The following DHX30 variants were observed in gnomAD, a reference collection of about 807,000 sequenced individuals.
DHX30 encodes the protein DExH-box helicase 30, also known as ATP-dependent RNA helicase DHX30.
Under a neutral mutation model 116.9 loss-of-function variants are expected in DHX30, and 4 were observed. The observed-to-expected ratio is 0.03, with a 90% CI of 0.02 to 0.08. DHX30 has a LOEUF of 0.08. DHX30 is among the 10% of genes least tolerant of loss of function. The pLI, the probability that DHX30 is intolerant of heterozygous loss-of-function variation, is 1.00. For synonymous variants in DHX30, 697 were observed against 651.7 expected (o/e 1.07, Z -1.06); for missense variants, 871 against 1,595.1 (o/e 0.55, Z 7.73).
At chr3:47,843,303 C>G (rs1644769996) in intron 9 of DHX30, 48 bp downstream of exon 9, 4 of 1,605,258 alleles carry the variant, frequency 2.5e-6, no homozygotes, top group Middle Eastern at 1.8e-4. Flanking sequence ...TGTCTTGAAG[C>G]TCCCCTCTGC....
At chr3:47,841,809 G>A in intron 8 of DHX30, 72 bp downstream of exon 8, 1 of 1,607,602 alleles carries the variant, frequency 6.2e-7, no homozygotes, top group Non-Finnish European at 8.5e-7. Context: ...CTAAAGGCAG[G>A]TTTAGAGAGG....
rs879073651 is a variant in DHX30 at position 47,846,959 on chromosome 3, G to T, written c.1887G>T (p.Lys629Asn). The T allele has an allele frequency of 1.2e-6, 2 of 1,613,414 alleles. No homozygotes were observed. The highest frequency in any genetic ancestry group is 2.7e-5 in the African/African-American group (2 of 74,942). ...KEHYLEDILA[K>N]LGKHQYLHRH... ...ACTACCTAGAGGACATCCTGGCCAA[G>T]TTGGGCAAGCACCAGTACCTGCACC... The change falls in exon 11 of 22, where the codon AAG becomes AAT. Residue 629 changes from lysine (K) to asparagine (N), a missense_variant. Around this residue, in one of 13 missense-constraint regions of DHX30, gnomAD observed 61 missense variants for 106.7 expected, o/e 0.57. Transcript: ENST00000445061.
chr3:47,849,819 G>A (rs759086020), intron 21 of DHX30, 48 bp from the exon 22 acceptor site: 39 of 1,607,978 alleles, frequency 2.4e-5, no homozygotes, highest in African/African-American at 6.7e-5. Flanking sequence ...CTGCTCCTCC[G>A]GGGCCTGGCC....
chr3:47,806,311 T>G (rs1486936238), intron 2 of DHX30, among the ~76,000 whole-genome samples: 6 of 145,806 alleles, frequency 4.1e-5, no homozygotes, highest in African/African-American at 1.5e-4. Flanking sequence ...GCCTGGCTTA[T>G]TTTTGTATTT....
chr3:47,807,004 G>A (rs1185809563), intron 2 of DHX30, among the ~76,000 whole-genome samples: 4 of 151,832 alleles, frequency 2.6e-5, no homozygotes, highest in East Asian at 2.0e-4. Context: ...TCAGGAGTTC[G>A]AGTCCAGCCT....
chr3:47,819,404 C>A, intron 4 of DHX30: 1 of 776,840 alleles, frequency 1.3e-6, no homozygotes, highest in Non-Finnish European at 2.1e-6. Context: ...GCAGTTGCTG[C>A]CTCTGGGGCA....
chr3:47,826,638 G>A (rs1241739887), intron 4 of DHX30, among the ~76,000 whole-genome samples: 1 of 152,020 alleles, frequency 6.6e-6, no homozygotes, highest in East Asian at 1.9e-4. Context: ...GTAGAGACGA[G>A]GTTTCACAAG....
Position 47,847,669 on chromosome 3 carries a change from T to C in DHX30, c.2111-112T>C, listed in dbSNP as rs2107140649. 6.8e-7 allele frequency: 1 copy of C among 1,478,510 alleles called. No individual in the cohort carries two copies. The highest frequency in any genetic ancestry group is 1.3e-5 in the South Asian group (1 of 74,804). 91.6% of individuals were successfully genotyped at this position (1,478,510 alleles called of 1,614,324 possible). On this transcript the variant is annotated intron_variant, in intron 13 of 21. Transcript: ENST00000445061. The surrounding 1 kb of genome is among the most constrained non-coding windows in gnomAD (Gnocchi z 5.5). ...TGGCACTTTTCACTGGGCATAGTGT[T>C]TATCTGCGCCTGTTTCATCAAAATG...
At chr3:47,827,741 G>A (rs1009963085) in intron 5 of DHX30, among the ~76,000 whole-genome samples, 5 of 152,158 alleles carry the variant, frequency 3.3e-5, no homozygotes, top group Non-Finnish European at 5.9e-5. Flanking sequence ...TGCCCCCATC[G>A]ACTAAGGACT....
chr3:47,825,067 C>T (rs1337932026), intron 4 of DHX30: 2 of 666,000 alleles, frequency 3.0e-6, no homozygotes. Context: ...ACTCATGGCG[C>T]TGGCCGCCGG....
chr3:47,804,799 G>T (rs939480911), intron 1 of DHX30, among the ~76,000 whole-genome samples: 1 of 152,172 alleles, frequency 6.6e-6, no homozygotes, highest in Admixed American at 6.6e-5. Flanking sequence ...TCTTGGGCAG[G>T]TTGTGTAACC....
chr3:47,810,414 C>T (rs2035739959), intron 2 of DHX30, among the ~76,000 whole-genome samples: 2 of 152,170 alleles, frequency 1.3e-5, no homozygotes, highest in Admixed American at 1.3e-4. Context: ...CTCTGTTTAA[C>T]AGGATATGGG....
At chr3:47,819,227 C>T (rs2036191030) in intron 4 of DHX30, 1 of 1,367,560 alleles carries the variant, frequency 7.3e-7, no homozygotes, top group South Asian at 1.1e-5. Flanking sequence ...TGCCCTGTAA[C>T]TCGAAAAGGC....
At position 47,845,723 on chromosome 3, in the gene DHX30, C is replaced by A; in HGVS notation, c.963C>A (p.Asn321Lys). ...KLKSLGLVDR[N>K]NEPLTHAMYN... ...AGAGCCTGGGCCTGGTGGACAGGAA[C>A]AACGAACCGCTTACACACGCCATGT... The change falls in exon 10 of 22, where the codon AAC becomes AAA. Residue 321 changes from asparagine (N) to lysine (K), a missense_variant. Physicochemically the swap from Asn to Lys is moderately conservative, Grantham distance 94. Transcript: ENST00000445061. 6.2e-7 allele frequency: 1 copy of A among 1,604,566 alleles called. No individual in the cohort carries two copies. The highest frequency in any genetic ancestry group is 8.5e-7 in the Non-Finnish European group (1 of 1,172,362).
At chr3:47,804,411 C>T (rs572447764) in intron 1 of DHX30, among the ~76,000 whole-genome samples, 2 of 152,218 alleles carry the variant, frequency 1.3e-5, no homozygotes, top group African/African-American at 4.8e-5. Flanking sequence ...AAAAATTAGC[C>T]GGGCATGGTG....
At chr3:47,827,976 A>G (rs894897675) in intron 5 of DHX30, among the ~76,000 whole-genome samples, 42 of 152,232 alleles carry the variant, frequency 2.8e-4, no homozygotes, top group African/African-American at 9.9e-4. Flanking sequence ...CTCCCGCCTC[A>G]GCCTCCAAAG....
Position 47,848,975 on chromosome 3 carries a change from C to T in DHX30, c.2825C>T (p.Ala942Val). Residue 942 changes from alanine to valine, a missense_variant, in exon 18 of 22, where the codon GCT becomes GTT. Ala to Val is a moderately conservative substitution (Grantham distance 64). Around this residue, in one of 13 missense-constraint regions of DHX30, gnomAD observed 238 missense variants for 481.0 expected, o/e 0.49. Coordinates refer to ENST00000445061, the MANE Select transcript of DHX30 (RefSeq NM_138615.3). This position sits in a 1 kb window ranked among gnomAD's most constrained non-coding sequence, Gnocchi z 9.4. ...SGSDHLAFVRAVAGWEEVLRW... is the reference protein window; with the variant it reads ...SGSDHLAFVRVVAGWEEVLRW... The stretch of plus-strand genomic sequence containing the variant: ...AGTGACCACCTGGCCTTTGTGCGGG[C>T]TGTCGCCGGCTGGGAGGAGGTGCTG... The T allele has an allele frequency of 1.2e-6, 2 of 1,613,404 alleles. No individual in the cohort carries two copies. Among genetic ancestry groups the T allele is most frequent in the South Asian group, 2.2e-5 (2 of 90,944 alleles).
In DHX30 at chr3:47,841,156, C is replaced by G; in HGVS notation, c.646C>G (p.His216Asp). The change falls in exon 7 of 22, where the codon CAC becomes GAC. Residue 216 changes from histidine (H) to aspartate (D), a missense_variant. By Grantham distance (81) the His-to-Asp change is moderately conservative. This residue lies in a region of DHX30 where 109 missense variants were observed against 118.8 expected (regional missense o/e 0.92). Transcript: ENST00000445061. ...DFLSMTQQDS[H>D]APLRDSRGSS... The stretch of plus-strand genomic sequence containing the variant: ...CTTGTCCATGACCCAGCAGGATTCC[C>G]ACGCTCCACTCAGGGACTCAAGGTA... The G allele has an allele frequency of 6.2e-7, 1 of 1,613,976 alleles. No individual in the cohort carries two copies.
intron 6 of DHX30, among the ~76,000 whole-genome samples, chr3:47,837,501 G>C (rs2037175338): frequency 6.6e-6 from 1 of 152,168 alleles, no homozygotes; most frequent in Non-Finnish European, 1.5e-5. Flanking sequence ...AGGCATGAGG[G>C]CCTGTAATCC....
Sources: allele counts gnomAD v4.1 joint callset (sites outside exome capture counted in the v4.1 genomes callset), GRCh38; gene constraint gnomAD v4.1.1; regional missense constraint gnomAD v4.1.1; non-coding constraint Gnocchi (gnomAD v3.1); transcripts MANE v1.5; gene names NCBI Gene and HGNC (gene_info 2026-07-23, HGNC 2026-07-21).